The following LPIN1 variants were observed in gnomAD, a reference collection of about 807,000 sequenced individuals.
LPIN1 encodes phosphatidate phosphatase LPIN1.
LPIN1 carries 71 observed loss-of-function variants against 107.5 expected under a neutral mutation model. The observed-to-expected ratio is 0.66, with a 90% CI of 0.55 to 0.80. LPIN1 has a LOEUF of 0.80. Among genes scored for constraint, LPIN1 ranks in the 30% least tolerant of loss-of-function variants. The probability of loss-of-function intolerance (pLI) is 0.00; values close to 1 mark genes in which losing one functional copy is unlikely to be tolerated. For missense variants in LPIN1, 1,043 were observed against 1,160.6 expected (o/e 0.90, Z 1.47); for synonymous variants, 445 against 452.6 (o/e 0.98, Z 0.21).
chr2:11,691,125 C>A (rs1255581047), intron 1 of LPIN1, among the ~76,000 whole-genome samples: 1 of 149,266 alleles, frequency 6.7e-6, no homozygotes, highest in East Asian at 2.0e-4. Context: ...CCCCTCACAC[C>A]AACTCCTAGT....
At position 11,791,914 on chromosome 2, in the gene LPIN1, G is replaced by A. The variant is rs1305042579; in HGVS notation, c.1714G>A (p.Ala572Thr). 6.2e-6 allele frequency: 10 copies of A among 1,613,320 alleles called. No individual in the cohort carries two copies. The South Asian group carries it at 8.8e-5, about 14-fold the overall frequency. Residue 572 changes from alanine to threonine, a missense_variant and splice_region_variant, in exon 13 of 21, where the codon GCC (alanine) becomes ACC (threonine). Physicochemically the swap from Ala to Thr is moderately conservative, Grantham distance 58. Transcript: ENST00000674199. ...TTATGTTACCATCCATTTAAAACAG[G>A]CCACTGTGGAATCTATCATGAGGGA... is the stretch of plus-strand genomic sequence containing the variant. ...MQAFQKPLPK[A>T]TVESIMRDKM...
At chr2:11,747,811 G>C (rs559171635) in intron 1 of LPIN1, among the ~76,000 whole-genome samples, 1 of 152,198 alleles carries the variant, frequency 6.6e-6, no homozygotes, top group African/African-American at 2.4e-5. Flanking sequence ...AGCACTTCAC[G>C]TTTGCCAGCA....
At chr2:11,724,256 C>A, upstream of LPIN1, 1 of 812,768 alleles carries the variant, frequency 1.2e-6, no homozygotes, top group Non-Finnish European at 1.5e-6. Context: ...TGAACACCAC[C>A]AAATGCTGAT....
chr2:11,677,565 C>T, upstream of LPIN1: 2 of 1,064,488 alleles, frequency 1.9e-6, no homozygotes, highest in South Asian at 1.4e-5. Flanking sequence ...GCCCAGCCTC[C>T]CAGCTTCTGA....
intron 1 of LPIN1, among the ~76,000 whole-genome samples, chr2:11,678,927 C>A (rs1423308360): frequency 1.3e-5 from 2 of 152,354 alleles, no homozygotes; most frequent in East Asian, 3.9e-4. Flanking sequence ...ATGACACCCA[C>A]ACTCAGATTA....
intron 4 of LPIN1, among the ~76,000 whole-genome samples, chr2:11,772,092 G>C (rs1671944070): frequency 6.6e-6 from 1 of 152,168 alleles, no homozygotes; most frequent in Admixed American, 6.5e-5. Flanking sequence ...TCCCTCACAT[G>C]TGCAGTTCAC....
chr2:11,820,493 A>G lies in LPIN1; in HGVS notation c.2600A>G (p.His867Arg), dbSNP rs750616897. The change falls in exon 20 of 21, where the codon CAT (histidine) becomes CGT (arginine). Residue 867 changes from histidine (H) to arginine (R), a missense_variant. His to Arg is a conservative substitution (Grantham distance 29). Transcript: ENST00000674199. Reference protein sequence around the residue: ...VNPKGELVQEHAKTNISSYVR... With the variant: ...VNPKGELVQERAKTNISSYVR... The stretch of plus-strand genomic sequence containing the variant: ...CCTAAAGGAGAGCTGGTACAGGAAC[A>G]TGCAAAGACCAACATCTCTTCGTGA... 3.7e-6 allele frequency: 6 copies of G among 1,611,918 alleles called. No homozygotes were observed. The Admixed American group carries it at 1.0e-4, about 27-fold the overall frequency.
chr2:11,738,104 A>G (rs1665970630), intron 1 of LPIN1, among the ~76,000 whole-genome samples: 1 of 152,184 alleles, frequency 6.6e-6, no homozygotes, highest in Non-Finnish European at 1.5e-5. Flanking sequence ...ATGAAGCTGG[A>G]AGCCATCATT....
At chr2:11,754,025 C>T (rs979268247) in intron 1 of LPIN1, among the ~76,000 whole-genome samples, 67 of 152,246 alleles carry the variant, frequency 4.4e-4, no homozygotes, top group African/African-American at 1.5e-3. Flanking sequence ...CAGAGGAGGG[C>T]GGCTAGGGCA....
chr2:11,784,832 G>A (rs1674226648), intron 9 of LPIN1, 54 bp from the exon 10 acceptor site: 2 of 1,566,042 alleles, frequency 1.3e-6, no homozygotes, highest in Non-Finnish European at 8.8e-7. Flanking sequence ...GGTGATGTAG[G>A]ACCCTGAACT....
intron 1 of LPIN1, among the ~76,000 whole-genome samples, chr2:11,761,345 G>A (rs1669800136): frequency 6.6e-6 from 1 of 152,188 alleles, no homozygotes; most frequent in African/African-American, 2.4e-5. Flanking sequence ...TGTAAACTTA[G>A]AAAAATGTGT....
chr2:11,787,119 A>G lies in LPIN1; in HGVS notation c.1595A>G (p.Asn532Ser). 1 of 1,614,064 alleles carries G rather than the reference A, an allele frequency of 6.2e-7. No individual in the cohort carries two copies. Among genetic ancestry groups the G allele is most frequent in the Non-Finnish European group, 8.5e-7 (1 of 1,179,972 alleles). Residue 532 changes from asparagine (N) to serine (S), a missense_variant, in exon 11 of 21, where the codon AAC (asparagine) becomes AGC (serine). By Grantham distance (46) the Asn-to-Ser change is conservative. Transcript: ENST00000674199. The part of the protein sequence containing the change: ...QAVSYQQFVD[N>S]PAIIDDPNLV... Reference sequence around the variant, plus strand: ...GTGTCATATCAACAGTTTGTGGACAACCCCGCTATTATCGATGACCCCAAT... The same window carrying G: ...GTGTCATATCAACAGTTTGTGGACAGCCCCGCTATTATCGATGACCCCAAT...
intron 1 of LPIN1, chr2:11,677,856 T>C (rs1214738345): frequency 3.8e-6 from 3 of 783,598 alleles, no homozygotes; most frequent in Non-Finnish European, 6.2e-6. Flanking sequence ...GGGATGGGTT[T>C]GTGCATTCAC....
At chr2:11,807,116 TAAAG>T (rs1678840761) in intron 17 of LPIN1, among the ~76,000 whole-genome samples, 2 of 152,152 alleles carry the variant, frequency 1.3e-5, no homozygotes, top group African/African-American at 4.8e-5. Flanking sequence ...TATAAATAAA[TAAAG>T]AAGGCACACA....
At chr2:11,734,378 A>T (rs1305863930) in intron 1 of LPIN1, among the ~76,000 whole-genome samples, 1 of 152,188 alleles carries the variant, frequency 6.6e-6, no homozygotes, top group Non-Finnish European at 1.5e-5. Flanking sequence ...GACAGAGAGA[A>T]ACTCACCCTT....
At chr2:11,703,695 TA>T (rs147623738) in intron 1 of LPIN1, among the ~76,000 whole-genome samples, 2,822 of 152,216 alleles carry the variant, frequency 0.019, 84 homozygotes, top group African/African-American at 0.064. Flanking sequence ...ATGATACAAA[TA>T]CATAGATGCA....
At chr2:11,812,388 G>A (rs764381265) in intron 17 of LPIN1, among the ~76,000 whole-genome samples, 32 of 152,168 alleles carry the variant, frequency 2.1e-4, no homozygotes, top group Non-Finnish European at 4.0e-4. Flanking sequence ...GAGAGGGAAG[G>A]CAGAGCAAGG....
chr2:11,788,860 G>A (rs1675140749), intron 12 of LPIN1, among the ~76,000 whole-genome samples: 1 of 152,146 alleles, frequency 6.6e-6, no homozygotes, highest in South Asian at 2.1e-4. Context: ...AAGTGTCAGT[G>A]TCAAGTGCTG....
intron 1 of LPIN1, among the ~76,000 whole-genome samples, chr2:11,692,306 C>T (rs1662314033): frequency 8.3e-6 from 1 of 120,934 alleles, no homozygotes; most frequent in African/African-American, 6.9e-5. Flanking sequence ...TTGGCACATA[C>T]TTGGCACATA....
Sources: allele counts gnomAD v4.1 joint callset (sites outside exome capture counted in the v4.1 genomes callset), GRCh38; gene constraint gnomAD v4.1.1; transcripts MANE v1.5; gene names NCBI Gene and HGNC (gene_info 2026-07-23, HGNC 2026-07-21).